The following ASAH1 variants were observed in gnomAD, a reference collection of about 807,000 sequenced individuals.
The protein encoded by ASAH1 is N-acylsphingosine amidohydrolase 1.
Under a neutral mutation model 59.5 loss-of-function variants are expected in ASAH1, and 70 were observed. The ratio of observed to expected loss-of-function variants is 1.18; its 90% CI spans 0.97 to 1.43. The LOEUF (loss-of-function observed/expected upper bound fraction) is 1.43, where lower values mean the gene tolerates loss of function less well. Ranked by LOEUF, ASAH1 falls within the 40% of genes most tolerant of loss-of-function variation. The pLI is 0.00. For synonymous variants in ASAH1, 213 were observed against 166.5 expected, an observed-to-expected ratio of 1.28 and a Z score of -2.15; for missense variants, 660 against 482.5, an observed-to-expected ratio of 1.37 and a Z score of -3.45.
intron 1 of ASAH1, chr8:18,075,967 A>T: frequency 3.2e-6 from 1 of 316,660 alleles, no homozygotes; most frequent in Non-Finnish European, 6.1e-6. Flanking sequence ...GTGTGTTGCA[A>T]CCTGTCCTGG....
chr8:18,084,548 G>A (rs1286583588), upstream of ASAH1: 97 of 1,499,692 alleles, frequency 6.5e-5, no homozygotes, highest in Non-Finnish European at 8.5e-5. Context: ...TGCCCTCTGA[G>A]AAAAGCGGCC....
chr8:18,075,579 C>T lies in ASAH1; in HGVS notation c.87G>A (p.Glu29=), dbSNP rs760011220. 3 of 1,613,982 alleles carry T rather than the reference C, an allele frequency of 1.9e-6. No homozygotes were observed. The highest frequency in any genetic ancestry group is 2.5e-6 in the Non-Finnish European group (3 of 1,179,992). The part of the protein sequence containing the change: ...AVAQHAPPWT[E]DCRKSTYPPS... ...GAGGATAGGTTGATTTTCTGCAGTC[C>T]TCTGTCCACTGAAAAGCAAAGAAAA... Residue 29 remains glutamate (E), a synonymous_variant, in exon 2 of 14, where the codon GAG becomes GAA. Transcript: ENST00000637790.
chr8:18,079,654 TGAAG>T, intron 1 of ASAH1, among the ~76,000 whole-genome samples: 1 of 152,276 alleles, frequency 6.6e-6, no homozygotes, highest in Middle Eastern at 3.4e-3. Flanking sequence ...AAAGAGACAA[TGAAG>T]GATAATCTAA....
At chr8:18,072,548 T>A (rs964598364) in intron 2 of ASAH1, among the ~76,000 whole-genome samples, 3 of 152,162 alleles carry the variant, frequency 2.0e-5, no homozygotes, top group Non-Finnish European at 2.9e-5. Flanking sequence ...TTAAACAAAA[T>A]CATAGTGAAC....
intron 1 of ASAH1, among the ~76,000 whole-genome samples, chr8:18,081,980 A>G (rs1800674531): frequency 6.6e-6 from 1 of 152,226 alleles, no homozygotes; most frequent in African/African-American, 2.4e-5. Context: ...GTTAAAACAA[A>G]ACAAATTCCA....
In ASAH1 at chr8:18,072,608, C is replaced by G. The variant is rs538966035; in HGVS notation, c.126-1218G>C. Reference sequence around the variant, plus strand: ...TTCAAGTTCCCCATTTTCTTAGGAGCTGATATCTACATGAAATGCTACAAT... The same window carrying G: ...TTCAAGTTCCCCATTTTCTTAGGAGGTGATATCTACATGAAATGCTACAAT... On this transcript the variant is annotated intron_variant, in intron 2 of 13. Coordinates refer to ENST00000637790, the MANE Select transcript of ASAH1 (RefSeq NM_177924.5). Among the ~76,000 whole-genome samples the G allele has an allele frequency of 2.0e-5, 3 of 152,296 alleles. No individual in the cohort carries two copies. The East Asian group carries it at 5.8e-4, about 29-fold the overall frequency.
At chr8:18,070,467 A>G (rs1800119134) in intron 3 of ASAH1, among the ~76,000 whole-genome samples, 1 of 152,000 alleles carries the variant, frequency 6.6e-6, no homozygotes. Context: ...TATTTTTAAT[A>G]GAGACAGGGT....
chr8:18,064,426 T>A (rs774007258), intron 6 of ASAH1, 31 bp downstream of exon 6: 125 of 1,483,476 alleles, frequency 8.4e-5, no homozygotes, highest in Non-Finnish European at 1.0e-4. Flanking sequence ...TAGTGCTTCA[T>A]GCTGCCCACC....
chr8:18,067,056 G>A, intron 5 of ASAH1, 164 bp downstream of exon 5: 2 of 233,096 alleles, frequency 8.6e-6, no homozygotes, highest in South Asian at 6.7e-5. Flanking sequence ...CTACATGCAT[G>A]CATGCATTTC....
At chr8:18,059,799 CAT>C (rs1176017968) in intron 10 of ASAH1, 96 bp from the exon 11 acceptor site, 22 of 1,290,346 alleles carry the variant, frequency 1.7e-5, no homozygotes, top group East Asian at 2.5e-5. Flanking sequence ...TTCTGGGACA[CAT>C]GTGCTGAACG....
At chr8:18,066,289 T>C (rs1160091672) in intron 5 of ASAH1, 2 of 152,012 alleles carry the variant, frequency 1.3e-5, no homozygotes, top group Non-Finnish European at 2.9e-5. Context: ...GGTCATAGAC[T>C]GGGAGCAGAT....
upstream of ASAH1, chr8:18,084,371 G>A: frequency 7.1e-7 from 1 of 1,404,288 alleles, no homozygotes; most frequent in Non-Finnish European, 9.2e-7. Context: ...GGACCGAGCC[G>A]GAGCCCCGCC....
rs1044844686 is a variant in ASAH1 at position 18,071,218 on chromosome 8, A to G, written c.216+82T>C. On this transcript the variant is annotated intron_variant, in intron 3 of 13. Coordinates refer to ENST00000637790, the MANE Select transcript of ASAH1 (RefSeq NM_177924.5). Reference sequence around the variant, plus strand: ...TGAGACTCTGTCTCAAAACAAAAAAAAAATCAATCAATAAATAAAAATAAA... The same window carrying G: ...TGAGACTCTGTCTCAAAACAAAAAAGAAATCAATCAATAAATAAAAATAAA... 4.7e-5 allele frequency: 38 copies of G among 802,288 alleles called. No individual in the cohort carries two copies. In the Admixed American group the frequency reaches 1.5e-3, roughly 31 times the overall value. The allele number at this position is 802,288 out of a possible 1,614,324, so 49.7% of individuals were successfully genotyped here.
chr8:18,063,422 G>C (rs572240206), intron 6 of ASAH1, 192 bp from the exon 7 acceptor site: 8 of 596,992 alleles, frequency 1.3e-5, no homozygotes, highest in African/African-American at 1.3e-4. Context: ...TTGTGCCTCA[G>C]CCTTCCACGT....
intron 6 of ASAH1, 94 bp downstream of exon 6, chr8:18,064,363 A>G: frequency 1.0e-6 from 1 of 996,796 alleles, no homozygotes; most frequent in Non-Finnish European, 1.6e-6. Flanking sequence ...GAATTTACAT[A>G]GCAAGCCCAA....
chr8:18,058,295 TGGA>T (rs1339378850), intron 13 of ASAH1: 2 of 156,424 alleles, frequency 1.3e-5, no homozygotes, highest in African/African-American at 4.8e-5. Flanking sequence ...GGGAGAGCTG[TGGA>T]GAAGGACCAA....
Position 18,060,125 on chromosome 8 carries a change from A to G in ASAH1, c.786-422T>C, listed in dbSNP as rs145766285. ...GGAAATGTTTAGCTCTGTAGAAACT[A>G]AAGAAAAACAAGTATCTAAGGAATG... is the stretch of plus-strand genomic sequence containing the variant. On this transcript the variant is annotated intron_variant, in intron 10 of 13. Coordinates refer to ENST00000637790, the MANE Select transcript of ASAH1 (RefSeq NM_177924.5). The G allele has an allele frequency of 3.9e-3, 692 of 178,664 alleles. 2 individuals carry two copies. The highest frequency in any genetic ancestry group is 0.016 in the African/African-American group (670 of 41,770). The allele number at this position is 178,664 out of a possible 1,614,324, so 11.1% of individuals were successfully genotyped here.
chr8:18,062,822 A>G (rs1281029374), intron 7 of ASAH1: 4 of 371,448 alleles, frequency 1.1e-5, no homozygotes, highest in Admixed American at 4.3e-5. Context: ...CTTATCATCA[A>G]TATAACACAA....
intron 1 of ASAH1, among the ~76,000 whole-genome samples, chr8:18,079,589 G>C (rs7823967): frequency 3.3e-5 from 5 of 151,938 alleles, no homozygotes; most frequent in East Asian, 1.9e-4. Context: ...GCTTCTAATA[G>C]TGAATTTTAA....
Sources: allele counts gnomAD v4.1 joint callset (sites outside exome capture counted in the v4.1 genomes callset), GRCh38; gene constraint gnomAD v4.1.1; transcripts MANE v1.5; gene names NCBI Gene and HGNC (gene_info 2026-07-23, HGNC 2026-07-21).